Variants in LIPA observed in about 807,000 individuals in gnomAD.
The protein encoded by LIPA is lysosomal acid lipase/cholesteryl ester hydrolase.
A neutral mutation model predicts 40.6 loss-of-function variants in LIPA; 26 were observed. The observed-to-expected ratio is 0.64, with a 90% CI of 0.47 to 0.89. The LOEUF (loss-of-function observed/expected upper bound fraction) is 0.89. LIPA is among the 40% of genes least tolerant of loss of function. The probability of loss-of-function intolerance (pLI) is 0.00; values close to 1 mark genes in which losing one functional copy is unlikely to be tolerated. For missense variants in LIPA, 455 were observed against 479.6 expected, an observed-to-expected ratio of 0.95 and a Z score of 0.48; for synonymous variants, 188 against 168.4, an observed-to-expected ratio of 1.12 and a Z score of -0.90.
upstream of LIPA, among the ~76,000 whole-genome samples, chr10:89,253,320 G>A (rs571430144): frequency 2.6e-5 from 4 of 152,182 alleles, no homozygotes; most frequent in Non-Finnish European, 5.9e-5. Flanking sequence ...GGACTGGGGA[G>A]GCCTCACAAT....
At chr10:89,223,152 C>T (rs1486219585) in intron 7 of LIPA, among the ~76,000 whole-genome samples, 1 of 152,040 alleles carries the variant, frequency 6.6e-6, no homozygotes, top group Non-Finnish European at 1.5e-5. Context: ...AATTTAAATA[C>T]TTATAGTAAT....
chr10:89,273,324 T>A (rs1188671292), intron 1 of LIPA, among the ~76,000 whole-genome samples: 1 of 151,682 alleles, frequency 6.6e-6, no homozygotes, highest in Non-Finnish European at 1.5e-5. Context: ...GAGTCAGAGG[T>A]AGGGGTTGCT....
At chr10:89,340,333 C>T (rs568083389) in intron 1 of LIPA, 12 of 451,370 alleles carry the variant, frequency 2.7e-5, no homozygotes, top group South Asian at 7.8e-5. Flanking sequence ...CCGAGGTGGG[C>T]GGATCACGAG....
At chr10:89,260,553 G>A (rs1183926810) in intron 1 of LIPA, among the ~76,000 whole-genome samples, 1 of 152,186 alleles carries the variant, frequency 6.6e-6, no homozygotes, top group Non-Finnish European at 1.5e-5. Context: ...CAGTTCCCCA[G>A]GAAGACCGTG....
At chr10:89,401,906 A>T (rs1375169549) in intron 2 of LIPA, among the ~76,000 whole-genome samples, 2 of 152,150 alleles carry the variant, frequency 1.3e-5, no homozygotes, top group Non-Finnish European at 2.9e-5. Flanking sequence ...TTTCTAACTG[A>T]CCTCTGTCCT....
At chr10:89,335,718 G>A (rs1843727961) in intron 1 of LIPA, among the ~76,000 whole-genome samples, 1 of 151,918 alleles carries the variant, frequency 6.6e-6, no homozygotes, top group Non-Finnish European at 1.5e-5. Flanking sequence ...GCACCCATAT[G>A]TACCTACAAA....
At chr10:89,403,485 A>C in intron 2 of LIPA, 1 of 1,612,350 alleles carries the variant, frequency 6.2e-7, no homozygotes, top group East Asian at 2.2e-5. Flanking sequence ...CCATTATTTA[A>C]AAGCTATAAA....
intron 1 of LIPA, among the ~76,000 whole-genome samples, chr10:89,282,271 A>G (rs939419201): frequency 6.6e-6 from 1 of 152,194 alleles, no homozygotes; most frequent in Non-Finnish European, 1.5e-5. Context: ...GATTTATCTA[A>G]TATCACAAAC....
At chr10:89,338,940 C>A in intron 1 of LIPA, 1 of 1,614,138 alleles carries the variant, frequency 6.2e-7, no homozygotes, top group Non-Finnish European at 8.5e-7. Context: ...GAAGTCTAGT[C>A]ACTTGGGGAA....
At chr10:89,331,634 C>A (rs945770134) in intron 1 of LIPA, among the ~76,000 whole-genome samples, 2 of 152,088 alleles carry the variant, frequency 1.3e-5, no homozygotes, top group Non-Finnish European at 2.9e-5. Flanking sequence ...CCGAGGAGGG[C>A]AGATGCTTGA....
chr10:89,331,061 C>T (rs1843644432), intron 1 of LIPA, among the ~76,000 whole-genome samples: 1 of 152,138 alleles, frequency 6.6e-6, no homozygotes, highest in African/African-American at 2.4e-5. Context: ...GAGCTGCACC[C>T]AAGAATGGTG....
intron 2 of LIPA, among the ~76,000 whole-genome samples, chr10:89,366,923 T>C (rs932963099): frequency 1.8e-4 from 27 of 152,086 alleles, no homozygotes; most frequent in South Asian, 6.2e-4. Context: ...TTGGAACCAA[T>C]CCAAATGTCC....
chr10:89,332,537 C>G (rs973569769), intron 1 of LIPA: 1 of 1,612,848 alleles, frequency 6.2e-7, no homozygotes. Flanking sequence ...GGGTGGAAAC[C>G]TCTTCAGCAT....
chr10:89,257,177 C>T (rs1419559144), intron 1 of LIPA, among the ~76,000 whole-genome samples: 1 of 152,180 alleles, frequency 6.6e-6, no homozygotes, highest in African/African-American at 2.4e-5. Flanking sequence ...ATTTTCTGTG[C>T]AAGACTGCAT....
chr10:89,382,139 G>A (rs1365515288), intron 2 of LIPA, among the ~76,000 whole-genome samples: 2 of 151,884 alleles, frequency 1.3e-5, no homozygotes, highest in Non-Finnish European at 2.9e-5. Context: ...ATTAGATTAT[G>A]GTTATATTAT....
chr10:89,338,890 GA>G (rs765206817), intron 1 of LIPA: 8 of 1,614,164 alleles, frequency 5.0e-6, no homozygotes, highest in African/African-American at 1.3e-5. Context: ...GCAAGCTGAA[GA>G]GTTAATCCAG....
chr10:89,340,202 G>A (rs1589614040), intron 1 of LIPA: 1 of 1,475,746 alleles, frequency 6.8e-7, no homozygotes, highest in Non-Finnish European at 9.0e-7. Flanking sequence ...GAAGACAGGG[G>A]GCCCCAACCT....
At position 89,342,281 on chromosome 10, in the gene LIPA, A is replaced by C. The variant is rs1843878816; in HGVS notation, c.-2+330T>G. On this transcript the variant is annotated intron_variant, in intron 1 of 5. Coordinates refer to the LIPA transcript ENST00000282673. The stretch of plus-strand genomic sequence containing the variant: ...ATGATCACCCTTAAGATATTATAAG[A>C]TGGGCAGAGAGCACAGACTTCCACT... Among the ~76,000 whole-genome samples, 2 of 152,220 alleles carry C rather than the reference A, an allele frequency of 1.3e-5. 1 individual carries two copies. The highest frequency in any genetic ancestry group is 4.1e-4 in the South Asian group (2 of 4,832).
chr10:89,275,000 A>C (rs1843282783), intron 1 of LIPA, among the ~76,000 whole-genome samples: 1 of 152,240 alleles, frequency 6.6e-6, no homozygotes, highest in Non-Finnish European at 1.5e-5. Flanking sequence ...AAAGGCTCAC[A>C]TGACAGTGTC....
Sources: allele counts gnomAD v4.1 joint callset (sites outside exome capture counted in the v4.1 genomes callset), GRCh38; gene constraint gnomAD v4.1.1; transcripts MANE v1.5; gene names NCBI Gene and HGNC (gene_info 2026-07-23, HGNC 2026-07-21).